Variants in MYH1 observed in about 807,000 individuals in gnomAD.
The protein encoded by MYH1 is myosin-1.
MYH1 carries 214 observed loss-of-function variants against 225.6 expected under a neutral mutation model. The ratio of observed to expected loss-of-function variants is 0.95; its 90% CI spans 0.85 to 1.06. MYH1 has a LOEUF of 1.06. Among genes scored for constraint, MYH1 ranks in the 50% least tolerant of loss-of-function variants. MYH1 has a pLI of 0.00. For synonymous variants in MYH1, 774 were observed against 842.3 expected, an observed-to-expected ratio of 0.92 and a Z score of 1.40; for missense variants, 2,098 against 2,344.2, an observed-to-expected ratio of 0.89 and a Z score of 2.17.
chr17:10,504,951 C>T lies in MYH1; in HGVS notation c.2550G>A (p.Glu850=). The change falls in exon 22 of 40, where the codon GAG becomes GAA. Residue 850 remains glutamate, a synonymous_variant. Coordinates refer to ENST00000226207, the MANE Select transcript of MYH1 (RefSeq NM_005963.4). ...CTTCCTTCATGTTGGCCATCTCCTT[C>T]TCTGTCTCTGCACTTTTGAGGAGGG... ...IKPLLKSAET[E]KEMANMKEEF... The T allele has an allele frequency of 6.2e-7, 1 of 1,614,146 alleles. No homozygotes were observed. Among genetic ancestry groups the T allele is most frequent in the Non-Finnish European group, 8.5e-7 (1 of 1,180,032 alleles).
rs756126283 is a variant in MYH1 at position 10,505,274 on chromosome 17, C to A, written c.2324G>T (p.Gly775Val). 4.9e-5 allele frequency: 79 copies of A among 1,614,034 alleles called. No homozygotes were observed. The highest frequency in any genetic ancestry group is 6.7e-5 in the Non-Finnish European group (79 of 1,180,042). Residue 775 changes from glycine to valine, a missense_variant, in exon 21 of 40, where the codon GGG (glycine) becomes GTG (valine). Physicochemically the swap from Gly to Val is moderately radical, Grantham distance 109. Transcript: ENST00000226207. ...CTCATCTCGCATCTCCTCTAGGAGC[C>A]CCAGAAGACCAGCTTTGAAAAAGAC... ...TKVFFKAGLL[G>V]LLEEMRDEKL... is the part of the protein sequence containing the mutation.
rs767588022 is a variant in MYH1, at chr17:10,508,553, G to A, written c.1707C>T (p.Pro569=). ...CCTCAGGCTTGCCTTTGGCAGGCTTGGGCTTCTGGAAGTTATTGGATTTTC... is the reference window on the plus strand; with the variant it reads ...CCTCAGGCTTGCCTTTGGCAGGCTTAGGCTTCTGGAAGTTATTGGATTTTC... ...HLGKSNNFQK[P]KPAKGKPEAH... The change falls in exon 16 of 40, where the codon CCC becomes CCT. Residue 569 remains proline, a synonymous_variant. Coordinates refer to ENST00000226207, the MANE Select transcript of MYH1 (RefSeq NM_005963.4). 2 of 1,613,982 alleles carry A rather than the reference G, an allele frequency of 1.2e-6. No individual in the cohort carries two copies. The highest frequency in any genetic ancestry group is 2.7e-5 in the African/African-American group (2 of 74,878).
intron 17 of MYH1, among the ~76,000 whole-genome samples, chr17:10,507,091 T>A (rs1420258435): frequency 6.6e-6 from 1 of 151,906 alleles, no homozygotes; most frequent in East Asian, 1.9e-4. Flanking sequence ...TGAGATGGAG[T>A]CTTGCTCTGT....
At chr17:10,501,957 CT>C in intron 24 of MYH1, 46 bp from the exon 25 acceptor site, 1 of 1,546,840 alleles carries the variant, frequency 6.5e-7, no homozygotes, top group Non-Finnish European at 8.7e-7. Flanking sequence ...ATGGTAGCAC[CT>C]TTTGTCCCAG....
rs768357178 is a variant in MYH1 at position 10,507,964 on chromosome 17, G to A, written c.1898-8C>T. 41 of 1,605,524 alleles carry A rather than the reference G, an allele frequency of 2.6e-5. No individual in the cohort carries two copies. Among genetic ancestry groups the A allele is most frequent in the South Asian group, 1.8e-4 (16 of 90,742 alleles). On this transcript the variant is annotated splice_polypyrimidine_tract_variant and splice_region_variant and intron_variant, in intron 16 of 39. Coordinates refer to ENST00000226207, the MANE Select transcript of MYH1 (RefSeq NM_005963.4). ...TCTTTCCACCGCCAGCCTCTGAGGGGAAAAAGAAAGCAATCATAGGACAGC... is the reference window on the plus strand; with the variant it reads ...TCTTTCCACCGCCAGCCTCTGAGGGAAAAAAGAAAGCAATCATAGGACAGC...
chr17:10,496,677 A>T (rs1229491723), intron 33 of MYH1, 128 bp from the exon 34 acceptor site: 19 of 1,424,568 alleles, frequency 1.3e-5, no homozygotes, highest in Non-Finnish European at 1.8e-5. Context: ...AGATTTAAAC[A>T]AGAGTGTCAT....
chr17:10,496,181 CATGT>C, intron 34 of MYH1, 28 bp from the exon 35 acceptor site: 1 of 1,614,126 alleles, frequency 6.2e-7, no homozygotes, highest in Non-Finnish European at 8.5e-7. Context: ...ATTGAGACAC[CATGT>C]ATTCAGGGTT....
Position 10,498,742 on chromosome 17 carries a change from C to G in MYH1, c.4065G>C (p.Gln1355His), listed in dbSNP as rs746298426. 20 of 1,614,206 alleles carry G rather than the reference C, an allele frequency of 1.2e-5. 1 individual carries two copies. In the South Asian group the frequency reaches 2.2e-4, roughly 18 times the overall value. Residue 1355 changes from glutamine (Q) to histidine (H), a missense_variant, in exon 30 of 40, where the codon CAG (glutamine) becomes CAC (histidine). Transcript: ENST00000226207. ...CTCTCTGTAGCTCGGCCTTGGCTTCCTGCTCCTCCTCATACTGTTCCCGCA... is the reference window on the plus strand; with the variant it reads ...CTCTCTGTAGCTCGGCCTTGGCTTCGTGCTCCTCCTCATACTGTTCCCGCA... ...DLLREQYEEE[Q>H]EAKAELQRAM...
rs192282019 is a variant in MYH1 at position 10,501,337 on chromosome 17, G to A, written c.3511C>T (p.Arg1171Trp). 18 of 1,614,126 alleles carry A rather than the reference G, an allele frequency of 1.1e-5. No homozygotes were observed. Among genetic ancestry groups the A allele is most frequent in the East Asian group, 2.2e-5 (1 of 44,868 alleles). Residue 1171 changes from arginine to tryptophan, a missense_variant, in exon 27 of 40, where the codon CGG (arginine) becomes TGG (tryptophan). Arg to Trp is a moderately radical substitution (Grantham distance 101). Coordinates refer to ENST00000226207, the MANE Select transcript of MYH1 (RefSeq NM_005963.4). Reference sequence around the variant, plus strand: ...CGCATTTTCTGGAACTCAGCCTCCCGCTTCTTGTTCATCTCAATCTGGGCT... The same window carrying A: ...CGCATTTTCTGGAACTCAGCCTCCCACTTCTTGTTCATCTCAATCTGGGCT... ...TSAQIEMNKK[R>W]EAEFQKMRRD...
chr17:10,505,065 T>G lies in MYH1; in HGVS notation c.2436A>C (p.Arg812Ser). 4 of 1,614,106 alleles carry G rather than the reference T, an allele frequency of 2.5e-6. No homozygotes were observed. Among genetic ancestry groups the G allele is most frequent in the Non-Finnish European group, 3.4e-6 (4 of 1,179,990 alleles). ...TGTACTGGATGCAGAAGATGGACTC[T>G]CTGTCATAGGAACAGAAATGTCCAA... is the stretch of plus-strand genomic sequence containing the variant. ...RVEYQKMVERRESIFCIQYNV... is the reference protein window; with the variant it reads ...RVEYQKMVERSESIFCIQYNV... The change falls in exon 22 of 40, where the codon AGA (arginine) becomes AGC (serine). Residue 812 changes from arginine to serine, a missense_variant and splice_region_variant. Coordinates refer to ENST00000226207, the MANE Select transcript of MYH1 (RefSeq NM_005963.4).
At chr17:10,492,855 T>TG (rs2072949608) in intron 39 of MYH1, among the ~76,000 whole-genome samples, 1 of 134,464 alleles carries the variant, frequency 7.4e-6, no homozygotes, top group African/African-American at 2.7e-5. Flanking sequence ...TGTTTTTTTT[T>TG]TTGTTTGTTT....
Position 10,502,953 on chromosome 17 carries a change from A to G in MYH1, c.2935-39T>C, listed in dbSNP as rs1024175758. On this transcript the variant is annotated intron_variant, in intron 23 of 39. Coordinates refer to ENST00000226207, the MANE Select transcript of MYH1 (RefSeq NM_005963.4). ...GAAAGCAGCTTAGTTGCTCTAAAGC[A>G]CCTTTGTTGGGTGGCAGAACCTCTA... 3.1e-6 allele frequency: 5 copies of G among 1,614,010 alleles called. No individual in the cohort carries two copies. The African/African-American group carries it at 5.3e-5, about 17-fold the overall frequency.
Position 10,494,640 on chromosome 17 carries a change from G to T in MYH1, c.5500C>A (p.Gln1834Lys). 6.2e-7 allele frequency: 1 copy of T among 1,613,994 alleles called. No individual in the cohort carries two copies. Among genetic ancestry groups the T allele is most frequent in the African/African-American group, 1.3e-5 (1 of 75,000 alleles). Residue 1834 changes from glutamine (Q) to lysine (K), a missense_variant, in exon 38 of 40, where the codon CAG becomes AAG. Transcript: ENST00000226207. ...RELEGEVESE[Q>K]KRNVEAVKGL... ...TTGACAGCTTCAACATTGCGCTTCT[G>T]TTCACTTTCAACTTCACCTTCAAGT... is the stretch of plus-strand genomic sequence containing the variant.
intron 27 of MYH1, 30 bp downstream of exon 27, chr17:10,501,080 C>T: frequency 6.2e-7 from 1 of 1,606,244 alleles, no homozygotes; most frequent in Non-Finnish European, 8.5e-7. Context: ...AACAAAAAAC[C>T]AAATAATCAA....
intron 33 of MYH1, among the ~76,000 whole-genome samples, 171 bp from the exon 34 acceptor site, chr17:10,496,720 AACAC>A (rs1491344377): frequency 6.6e-6 from 1 of 152,166 alleles, no homozygotes; most frequent in Non-Finnish European, 1.5e-5. Flanking sequence ...GCTATTCTCT[AACAC>A]ACACACTGTC....
intron 14 of MYH1, among the ~76,000 whole-genome samples, chr17:10,510,669 A>G (rs557427868): frequency 9.2e-5 from 14 of 152,348 alleles, no homozygotes; most frequent in Middle Eastern, 3.4e-3. Flanking sequence ...TCTGGCAAGC[A>G]TATGCGAAGT....
At chr17:10,498,245 T>C (rs2073016513) in intron 30 of MYH1, among the ~76,000 whole-genome samples, 1 of 152,236 alleles carries the variant, frequency 6.6e-6, no homozygotes. Context: ...TTTGTTTTTC[T>C]GTGTCTCCAC....
rs766967916 is a variant in MYH1, at chr17:10,508,531, C to T, written c.1729G>A (p.Glu577Lys). 6.2e-7 allele frequency: 1 copy of T among 1,614,108 alleles called. No individual in the cohort carries two copies. Among genetic ancestry groups the T allele is most frequent in the Non-Finnish European group, 8.5e-7 (1 of 1,180,022 alleles). The change falls in exon 16 of 40, where the codon GAG becomes AAG. Residue 577 changes from glutamate to lysine, a missense_variant. Transcript: ENST00000226207. The part of the protein sequence containing the change: ...QKPKPAKGKP[E>K]AHFSLIHYAG... ...TAGTGAATCAAAGAGAAGTGGGCCTCAGGCTTGCCTTTGGCAGGCTTGGGC... is the reference window on the plus strand; with the variant it reads ...TAGTGAATCAAAGAGAAGTGGGCCTTAGGCTTGCCTTTGGCAGGCTTGGGC...
chr17:10,506,390 A>C (rs1196269712), intron 17 of MYH1, among the ~76,000 whole-genome samples: 1 of 152,142 alleles, frequency 6.6e-6, no homozygotes, highest in African/African-American at 2.4e-5. Flanking sequence ...AATATATGGA[A>C]ATACTCTACC....
Sources: allele counts gnomAD v4.1 joint callset (sites outside exome capture counted in the v4.1 genomes callset), GRCh38; gene constraint gnomAD v4.1.1; transcripts MANE v1.5; gene names NCBI Gene and HGNC (gene_info 2026-07-23, HGNC 2026-07-21).